Variants in SYNPR observed in about 807,000 individuals in gnomAD.
The protein encoded by SYNPR is synaptoporin.
A neutral mutation model predicts 32.9 loss-of-function variants in SYNPR; 23 were observed. The ratio of observed to expected loss-of-function variants is 0.70; its 90% CI spans 0.50 to 0.99. The LOEUF (loss-of-function observed/expected upper bound fraction) is 0.99, where lower values mean the gene tolerates loss of function less well. SYNPR is among the 50% of genes least tolerant of loss of function. The pLI is 0.00. For synonymous variants in SYNPR, 146 were observed against 135.9 expected (o/e 1.07, Z -0.52); for missense variants, 318 against 349.3 (o/e 0.91, Z 0.71).
At chr3:63,595,235 C>A (rs1699913031) in intron 4 of SYNPR, among the ~76,000 whole-genome samples, 1 of 152,050 alleles carries the variant, frequency 6.6e-6, no homozygotes, top group East Asian at 1.9e-4. Flanking sequence ...TTGGAGCTGG[C>A]CATTTGCACA....
At chr3:63,612,499 G>A (rs1700214172) in intron 5 of SYNPR, among the ~76,000 whole-genome samples, 2 of 152,060 alleles carry the variant, frequency 1.3e-5, no homozygotes, top group South Asian at 4.1e-4. Flanking sequence ...TCTCCCCATT[G>A]TTTGCATGTT....
chr3:63,472,681 T>C (rs974682352), intron 2 of SYNPR, among the ~76,000 whole-genome samples: 3 of 152,136 alleles, frequency 2.0e-5, no homozygotes, highest in Non-Finnish European at 2.9e-5. Context: ...GATTTGCCTA[T>C]TGTCTGGGGA....
At chr3:63,563,489 AC>A (rs1702726903) in intron 4 of SYNPR, among the ~76,000 whole-genome samples, 1 of 152,106 alleles carries the variant, frequency 6.6e-6, no homozygotes, top group African/African-American at 2.4e-5. Context: ...TCTGAGCTAT[AC>A]AGAAATTGCT....
chr3:63,571,347 T>G (rs1386597643), intron 4 of SYNPR, among the ~76,000 whole-genome samples: 3 of 152,220 alleles, frequency 2.0e-5, no homozygotes, highest in Non-Finnish European at 4.4e-5. Flanking sequence ...AATTTGGCCT[T>G]ACTTTTGCCT....
chr3:63,258,736 G>C (rs941635361), intron 2 of SYNPR, among the ~76,000 whole-genome samples: 1 of 152,090 alleles, frequency 6.6e-6, no homozygotes, highest in Admixed American at 6.5e-5. Flanking sequence ...CAGAACTGAA[G>C]GAAATAGAGA....
chr3:63,306,212 A>G (rs1190177904), intron 2 of SYNPR, among the ~76,000 whole-genome samples: 2 of 151,986 alleles, frequency 1.3e-5, no homozygotes, highest in Non-Finnish European at 2.9e-5. Flanking sequence ...GATGTATGTC[A>G]GGCTCCTTGA....
chr3:63,244,097 AGC>A (rs1205673417), intron 1 of SYNPR, among the ~76,000 whole-genome samples: 2 of 152,096 alleles, frequency 1.3e-5, no homozygotes, highest in Admixed American at 6.6e-5. Context: ...AAAGCAAAGA[AGC>A]CACCACCAAC....
rs531383862 is a variant in SYNPR at position 63,292,744 on chromosome 3, C to T, written c.84+14002C>T. Among the ~76,000 whole-genome samples, 5 of 152,342 alleles carry T rather than the reference C, an allele frequency of 3.3e-5. No individual in the cohort carries two copies. In the East Asian group the frequency reaches 9.6e-4, roughly 29 times the overall value. On this transcript the variant is annotated intron_variant, in intron 2 of 5. Transcript: ENST00000478300. ...TGCAAAGAAAGCATTGGAAAATTCA[C>T]GAGAGTCTTCTGCTTCTCCAGTTAT...
chr3:63,263,890 C>T (rs926489809), intron 2 of SYNPR, among the ~76,000 whole-genome samples: 4 of 152,188 alleles, frequency 2.6e-5, no homozygotes, highest in Admixed American at 2.6e-4. Context: ...AAATCAGCTG[C>T]ACTTCCTGAT....
At chr3:63,247,617 A>G (rs1196947387) in intron 1 of SYNPR, among the ~76,000 whole-genome samples, 1 of 152,040 alleles carries the variant, frequency 6.6e-6, no homozygotes, top group Non-Finnish European at 1.5e-5. Context: ...TGTTGGCTTG[A>G]GATATTTTCA....
chr3:63,432,174 G>A (rs1187895643), intron 2 of SYNPR, among the ~76,000 whole-genome samples: 2 of 152,132 alleles, frequency 1.3e-5, no homozygotes, highest in African/African-American at 2.4e-5. Context: ...CCTACCACAG[G>A]CACCTGCTCA....
intron 2 of SYNPR, among the ~76,000 whole-genome samples, chr3:63,441,978 G>T (rs1700186514): frequency 6.6e-6 from 1 of 152,178 alleles, no homozygotes; most frequent in Non-Finnish European, 1.5e-5. Flanking sequence ...TCAGGCGCAG[G>T]CCACATGACT....
chr3:63,562,836 A>G (rs2106836024), intron 4 of SYNPR, among the ~76,000 whole-genome samples: 1 of 152,276 alleles, frequency 6.6e-6, no homozygotes, highest in South Asian at 2.1e-4. Flanking sequence ...GGGGTGCTGG[A>G]TTTTAATCTT....
At chr3:63,565,894 T>C (rs1439675949) in intron 4 of SYNPR, among the ~76,000 whole-genome samples, 1 of 152,158 alleles carries the variant, frequency 6.6e-6, no homozygotes, top group Non-Finnish European at 1.5e-5. Context: ...TTGGCTGTCA[T>C]ATTGTCTTCT....
chr3:63,429,314 G>A (rs551765238), intron 2 of SYNPR, among the ~76,000 whole-genome samples: 5 of 152,286 alleles, frequency 3.3e-5, no homozygotes, highest in Non-Finnish European at 7.4e-5. Flanking sequence ...GGTAACAATG[G>A]AAAGAGCCTC....
intron 2 of SYNPR, among the ~76,000 whole-genome samples, chr3:63,448,881 T>A (rs2107172251): frequency 6.6e-6 from 1 of 152,340 alleles, no homozygotes; most frequent in Non-Finnish European, 1.5e-5. Context: ...AGTAAGGCAT[T>A]TGCAGGAAAT....
chr3:63,356,195 G>A (rs1370684499), intron 2 of SYNPR, among the ~76,000 whole-genome samples: 1 of 152,200 alleles, frequency 6.6e-6, no homozygotes, highest in African/African-American at 2.4e-5. Flanking sequence ...TTGGCATGAA[G>A]GCCATGTTCG....
intron 3 of SYNPR, among the ~76,000 whole-genome samples, chr3:63,506,080 CCCTTCCTT>C (rs113121978): frequency 6.7e-6 from 1 of 150,138 alleles, no homozygotes; most frequent in Non-Finnish European, 1.5e-5. Context: ...AGATGCTCCT[CCCTTCCTT>C]CCTTCCTTCC....
chr3:63,261,771 G>T (rs146277059), intron 2 of SYNPR, among the ~76,000 whole-genome samples: 13 of 147,756 alleles, frequency 8.8e-5, no homozygotes, highest in African/African-American at 3.0e-4. Context: ...GCAAACTATC[G>T]CAAGGACAAA....
Sources: gnomAD v4.1 joint callset for allele counts (sites outside exome capture counted in the v4.1 genomes callset) on GRCh38, gnomAD v4.1.1 for gene constraint, MANE v1.5 for transcripts, NCBI Gene and HGNC (gene_info 2026-07-23, HGNC 2026-07-21) for gene names.